Variants in PARD3 observed in about 807,000 individuals in gnomAD.
PARD3 encodes the protein partitioning defective 3 homolog.
A neutral mutation model predicts 155.4 loss-of-function variants in PARD3; 75 were observed. That is an observed-to-expected ratio of 0.48 (90% CI 0.40 to 0.58). The LOEUF is 0.58. Among genes scored for constraint, PARD3 ranks in the 20% least tolerant of loss-of-function variants. The probability of loss-of-function intolerance (pLI) is 0.00; values close to 1 mark genes in which losing one functional copy is unlikely to be tolerated. For synonymous variants in PARD3, 576 were observed against 610.5 expected, an observed-to-expected ratio of 0.94 and a Z score of 0.83; for missense variants, 1,642 against 1,721.7, an observed-to-expected ratio of 0.95 and a Z score of 0.82.
chr10:34,783,719 T>C (rs979424829), intron 1 of PARD3, among the ~76,000 whole-genome samples: 3 of 151,764 alleles, frequency 2.0e-5, no homozygotes, highest in Non-Finnish European at 4.4e-5. Context: ...ATAAAAACTT[T>C]AGAAAGAAAA....
At chr10:34,516,072 C>G (rs1396083365) in intron 3 of PARD3, among the ~76,000 whole-genome samples, 2 of 152,082 alleles carry the variant, frequency 1.3e-5, no homozygotes, top group East Asian at 3.9e-4. Flanking sequence ...TCAAGCAATT[C>G]TCCTGTTTCA....
chr10:34,556,244 T>C (rs1428242150), intron 2 of PARD3, among the ~76,000 whole-genome samples: 1 of 152,192 alleles, frequency 6.6e-6, no homozygotes, highest in Non-Finnish European at 1.5e-5. Context: ...ACGTTTTTCT[T>C]TTCTACTAAA....
At chr10:34,142,660 C>A (rs983771488) in intron 22 of PARD3, among the ~76,000 whole-genome samples, 6 of 151,418 alleles carry the variant, frequency 4.0e-5, no homozygotes, top group African/African-American at 9.7e-5. Context: ...GGAAGGAAGG[C>A]AGGAAGGCAG....
chr10:34,172,580 G>T (rs2133128829), intron 22 of PARD3, among the ~76,000 whole-genome samples: 1 of 152,168 alleles, frequency 6.6e-6, no homozygotes, highest in Admixed American at 6.5e-5. Flanking sequence ...GTGAGAGTCT[G>T]TGATGCTGAG....
intron 1 of PARD3, among the ~76,000 whole-genome samples, chr10:34,768,402 G>A (rs1002453371): frequency 6.6e-6 from 1 of 151,722 alleles, no homozygotes; most frequent in African/African-American, 2.4e-5. Context: ...GGGACAACTC[G>A]AAGCAAAGGC....
chr10:34,455,272 AT>A (rs1393279522), intron 4 of PARD3, among the ~76,000 whole-genome samples: 8 of 152,150 alleles, frequency 5.3e-5, no homozygotes, highest in African/African-American at 1.9e-4. Flanking sequence ...ATGCATATAC[AT>A]TTCATTCAGA....
intron 2 of PARD3, among the ~76,000 whole-genome samples, chr10:34,525,822 C>A (rs2082436962): frequency 6.6e-6 from 1 of 151,862 alleles, no homozygotes; most frequent in East Asian, 1.9e-4. Context: ...GTGGGTCATG[C>A]CTGTAATTCC....
intron 10 of PARD3, 97 bp downstream of exon 10, chr10:34,377,870 C>T: frequency 1.0e-6 from 1 of 974,882 alleles, no homozygotes; most frequent in Non-Finnish European, 1.5e-6. Flanking sequence ...ATGTATATAA[C>T]TGAATTTCAT....
In PARD3 at chr10:34,377,954, G is replaced by A. The variant is rs781752776; in HGVS notation, c.1539+13C>T. 3.3e-6 allele frequency: 5 copies of A among 1,510,892 alleles called. No homozygotes were observed. In the South Asian group the frequency reaches 6.7e-5, roughly 20 times the overall value. 93.6% of individuals were successfully genotyped at this position (1,510,892 alleles called of 1,614,324 possible). ...CAAGAATCAGGGAACATCCTGCTGGGGAAGTCACTTACCTCTATAAGTCTG... is the reference window on the plus strand; with the variant it reads ...CAAGAATCAGGGAACATCCTGCTGGAGAAGTCACTTACCTCTATAAGTCTG... On this transcript the variant is annotated intron_variant, in intron 10 of 24. Transcript: ENST00000374788.
chr10:34,122,534 A>G (rs1196169662), intron 23 of PARD3, among the ~76,000 whole-genome samples: 1 of 152,206 alleles, frequency 6.6e-6, no homozygotes, highest in Non-Finnish European at 1.5e-5. Context: ...TCATACTATC[A>G]TGCTCACCAG....
intron 22 of PARD3, among the ~76,000 whole-genome samples, chr10:34,219,940 C>T (rs12265944): frequency 0.079 from 12,094 of 152,244 alleles, 1,631 homozygotes; most frequent in African/African-American, 0.28. Context: ...CAGCTGCTGT[C>T]ATTTCATGAC....
At chr10:34,772,041 G>A (rs577953564) in intron 1 of PARD3, among the ~76,000 whole-genome samples, 1 of 152,212 alleles carries the variant, frequency 6.6e-6, no homozygotes, top group East Asian at 1.9e-4. Context: ...CATTCATCTC[G>A]CCCAACAAGC....
chr10:34,712,525 A>G (rs1332787722), intron 1 of PARD3, among the ~76,000 whole-genome samples: 2 of 152,134 alleles, frequency 1.3e-5, no homozygotes, highest in Non-Finnish European at 2.9e-5. Context: ...AGAAGAGACT[A>G]AGGAATAGGA....
chr10:34,429,702 CA>C (rs2075807010), intron 5 of PARD3, among the ~76,000 whole-genome samples: 1 of 152,188 alleles, frequency 6.6e-6, no homozygotes, highest in Non-Finnish European at 1.5e-5. Flanking sequence ...TCTCCTGCCT[CA>C]GCCTCCCTAG....
intron 1 of PARD3, among the ~76,000 whole-genome samples, chr10:34,810,407 G>C (rs1843988403): frequency 6.6e-6 from 1 of 152,054 alleles, no homozygotes; most frequent in South Asian, 2.1e-4. Context: ...AAGTATTTTG[G>C]ATAAAGGATG....
intron 21 of PARD3, among the ~76,000 whole-genome samples, chr10:34,280,360 C>G (rs1286133562): frequency 6.6e-6 from 1 of 152,120 alleles, no homozygotes; most frequent in Non-Finnish European, 1.5e-5. Flanking sequence ...TTAGCACAGA[C>G]CAGTATGTTA....
intron 20 of PARD3, among the ~76,000 whole-genome samples, chr10:34,299,424 G>T (rs1038899722): frequency 6.6e-6 from 1 of 152,224 alleles, no homozygotes; most frequent in African/African-American, 2.4e-5. Flanking sequence ...GTTAATAAGA[G>T]CTTTCTCTCT....
At chr10:34,116,643 G>A (rs1946689495) in intron 24 of PARD3, among the ~76,000 whole-genome samples, 1 of 152,186 alleles carries the variant, frequency 6.6e-6, no homozygotes, top group Non-Finnish European at 1.5e-5. Context: ...TTGATAAATT[G>A]TTCTCTAAAG....
intron 2 of PARD3, among the ~76,000 whole-genome samples, chr10:34,674,325 A>G (rs1004261074): frequency 6.6e-6 from 1 of 152,140 alleles, no homozygotes; most frequent in Non-Finnish European, 1.5e-5. Flanking sequence ...TGCATTAATT[A>G]AAAGTGGGTA....
Sources: gnomAD v4.1 joint callset for allele counts (sites outside exome capture counted in the v4.1 genomes callset) on GRCh38, gnomAD v4.1.1 for gene constraint, MANE v1.5 for transcripts, NCBI Gene and HGNC (gene_info 2026-07-23, HGNC 2026-07-21) for gene names.